RNF220: variants seen among roughly 807,000 people sequenced by gnomAD.
The protein encoded by RNF220 is ring finger protein 220.
RNF220 carries 7 observed loss-of-function variants against 67.1 expected under a neutral mutation model. That is an observed-to-expected ratio of 0.10 (90% CI 0.06 to 0.20). The LOEUF (loss-of-function observed/expected upper bound fraction) is 0.20, where lower values mean the gene tolerates loss of function less well. Ranked by LOEUF, RNF220 falls within the 10% of genes least tolerant of loss-of-function variation. The probability of loss-of-function intolerance (pLI) is 1.00; values close to 1 mark genes in which losing one functional copy is unlikely to be tolerated. For synonymous variants in RNF220, 270 were observed against 283.2 expected (o/e 0.95, Z 0.47); for missense variants, 565 against 740.3 (o/e 0.76, Z 2.75).
intron 5 of RNF220, 92 bp from the exon 6 acceptor site, chr1:44,632,251 C>CG: frequency 6.2e-7 from 1 of 1,613,306 alleles, no homozygotes; most frequent in Non-Finnish European, 8.5e-7. Flanking sequence ...CAGCTTTGGT[C>CG]GGGGGTCCGG....
intron 2 of RNF220, among the ~76,000 whole-genome samples, chr1:44,511,135 G>A (rs2148124362): frequency 6.6e-6 from 1 of 152,306 alleles, no homozygotes; most frequent in African/African-American, 2.4e-5. Flanking sequence ...CTGAGGAAGA[G>A]AAGGCTAGAG....
intron 2 of RNF220, among the ~76,000 whole-genome samples, chr1:44,532,187 G>T (rs1473321287): frequency 1.3e-5 from 2 of 152,124 alleles, no homozygotes; most frequent in Non-Finnish European, 2.9e-5. Context: ...GCCCAGACCT[G>T]CCCTGTCCAA....
chr1:44,480,249 C>CA (rs1206630418), intron 2 of RNF220, among the ~76,000 whole-genome samples: 6 of 151,500 alleles, frequency 4.0e-5, no homozygotes, highest in Admixed American at 1.3e-4. Flanking sequence ...ACTAATAATA[C>CA]AAAAAAAATC....
chr1:44,583,984 AT>A (rs1398899042), intron 2 of RNF220, among the ~76,000 whole-genome samples: 1 of 152,250 alleles, frequency 6.6e-6, no homozygotes, highest in Non-Finnish European at 1.5e-5. Flanking sequence ...TACAAATCCA[AT>A]GCTAGTTCCT....
chr1:44,475,975 A>C (rs1394586570), intron 2 of RNF220, among the ~76,000 whole-genome samples: 2 of 151,336 alleles, frequency 1.3e-5, no homozygotes, highest in African/African-American at 4.9e-5. Flanking sequence ...TCGCCAGCCT[A>C]GTAATAGAGC....
chr1:44,522,709 G>T (rs1660038186), intron 2 of RNF220, among the ~76,000 whole-genome samples: 1 of 152,144 alleles, frequency 6.6e-6, no homozygotes, highest in Non-Finnish European at 1.5e-5. Flanking sequence ...GGAATGCAAT[G>T]CCCGGGGACC....
At chr1:44,599,956 AT>A (rs1280583684) in intron 2 of RNF220, among the ~76,000 whole-genome samples, 1 of 152,138 alleles carries the variant, frequency 6.6e-6, no homozygotes, top group East Asian at 1.9e-4. Context: ...GGGGAGAGAG[AT>A]ACATGAGGAG....
At chr1:44,549,843 C>T (rs1038109065) in intron 2 of RNF220, among the ~76,000 whole-genome samples, 7 of 152,224 alleles carry the variant, frequency 4.6e-5, no homozygotes, top group Non-Finnish European at 7.3e-5. Flanking sequence ...GACCCACCTT[C>T]GCCCTGAGTA....
intron 3 of RNF220, among the ~76,000 whole-genome samples, chr1:44,616,434 A>G (rs1249538935): frequency 6.6e-6 from 1 of 152,216 alleles, no homozygotes; most frequent in Non-Finnish European, 1.5e-5. Flanking sequence ...CCTCTGAAGT[A>G]GGTGACAATA....
intron 2 of RNF220, among the ~76,000 whole-genome samples, chr1:44,499,399 C>A (rs924001299): frequency 9.2e-5 from 14 of 152,130 alleles, no homozygotes; most frequent in Non-Finnish European, 1.8e-4. Flanking sequence ...GTCCAGGTCA[C>A]TAGTGACCTC....
intron 2 of RNF220, among the ~76,000 whole-genome samples, chr1:44,540,725 T>C (rs1661607374): frequency 6.6e-6 from 1 of 152,150 alleles, no homozygotes. Flanking sequence ...AAATGCATTT[T>C]AATGCCTGCT....
At chr1:44,437,534 T>C (rs1651102083) in intron 2 of RNF220, among the ~76,000 whole-genome samples, 1 of 152,194 alleles carries the variant, frequency 6.6e-6, no homozygotes, top group South Asian at 2.1e-4. Context: ...AGTCTGTCAA[T>C]ACATTTACCA....
chr1:44,478,726 A>C (rs1450585147), intron 2 of RNF220, among the ~76,000 whole-genome samples: 1 of 152,162 alleles, frequency 6.6e-6, no homozygotes, highest in Non-Finnish European at 1.5e-5. Context: ...TGTCTCTAAA[A>C]AAAAGAGAGA....
intron 2 of RNF220, among the ~76,000 whole-genome samples, chr1:44,555,189 T>C (rs930091254): frequency 6.6e-6 from 1 of 151,888 alleles, no homozygotes; most frequent in African/African-American, 2.4e-5. Flanking sequence ...TACCTCAACC[T>C]CCTGTGTAGT....
At chr1:44,511,906 CGTGTGTGTGCGT>C (rs1553234618) in intron 2 of RNF220, among the ~76,000 whole-genome samples, 2 of 80,022 alleles carry the variant, frequency 2.5e-5, no homozygotes, top group African/African-American at 9.8e-5. Context: ...AATTGAGAAG[CGTGTGTGTGCGT>C]GTGTGTGTGT....
intron 5 of RNF220, among the ~76,000 whole-genome samples, chr1:44,631,210 T>C (rs944890064): frequency 2.0e-5 from 3 of 152,250 alleles, no homozygotes; most frequent in African/African-American, 7.2e-5. Flanking sequence ...CAAGCGATGA[T>C]AACGGCGCAG....
intron 2 of RNF220, among the ~76,000 whole-genome samples, chr1:44,605,524 T>C (rs270738): frequency 0.97 from 148,427 of 152,316 alleles, 72,437 homozygotes; most frequent in Non-Finnish European, 1. Context: ...GGGCTATGCA[T>C]TCTGCTACAT....
chr1:44,472,002 AAT>A (rs750973621), intron 2 of RNF220, among the ~76,000 whole-genome samples: 4 of 150,368 alleles, frequency 2.7e-5, no homozygotes, highest in Non-Finnish European at 5.9e-5. Context: ...TGTTTCTCTT[AAT>A]ATAATGTTGT....
chr1:44,518,211 A>C (rs1342522780), intron 2 of RNF220, among the ~76,000 whole-genome samples: 4 of 151,734 alleles, frequency 2.6e-5, no homozygotes, highest in Non-Finnish European at 5.9e-5. Context: ...GGATTGCTTC[A>C]GGCCAGGAGT....
Sources: gnomAD v4.1 joint callset for allele counts (sites outside exome capture counted in the v4.1 genomes callset) on GRCh38, gnomAD v4.1.1 for gene constraint, MANE v1.5 for transcripts, NCBI Gene and HGNC (gene_info 2026-07-23, HGNC 2026-07-21) for gene names.